The following MAGI2 variants were observed in gnomAD, a reference collection of about 807,000 sequenced individuals.
MAGI2 encodes the protein membrane-associated guanylate kinase, WW and PDZ domain-containing protein 2.
In MAGI2, 35 loss-of-function variants were observed where a neutral mutation model predicts 133.3. The ratio of observed to expected loss-of-function variants is 0.26; its 90% confidence interval spans 0.20 to 0.35. The LOEUF (loss-of-function observed/expected upper bound fraction) is 0.35, where lower values mean the gene tolerates loss of function less well. MAGI2 is among the 10% of genes least tolerant of loss of function. The pLI is 1.00. For missense variants in MAGI2, 1,636 were observed against 1,863.4 expected (o/e 0.88, Z 2.25); for synonymous variants, 729 against 710.6 (o/e 1.03, Z -0.41).
chr7:79,331,482 A>G (rs1157946800), intron 1 of MAGI2, among the ~76,000 whole-genome samples: 2 of 152,262 alleles, frequency 1.3e-5, no homozygotes, highest in Non-Finnish European at 2.9e-5. Flanking sequence ...AACTATAGGT[A>G]TTAACTTATT....
At chr7:79,016,970 C>A (rs939272917) in intron 1 of MAGI2, among the ~76,000 whole-genome samples, 1 of 152,252 alleles carries the variant, frequency 6.6e-6, no homozygotes, top group Non-Finnish European at 1.5e-5. Context: ...TGCACGGACA[C>A]TGGCGAGGCC....
At chr7:78,173,738 A>C (rs978173404) in intron 14 of MAGI2, among the ~76,000 whole-genome samples, 14 of 152,160 alleles carry the variant, frequency 9.2e-5, no homozygotes, top group African/African-American at 3.4e-4. Flanking sequence ...CTTTTAATTC[A>C]GTCCTCTGGG....
intron 3 of MAGI2, among the ~76,000 whole-genome samples, chr7:78,573,266 A>ATT (rs1563188658): frequency 4.1e-5 from 1 of 24,240 alleles, no homozygotes; most frequent in Non-Finnish European, 7.3e-5. Flanking sequence ...AAATATAAAT[A>ATT]TATATAAATA....
chr7:78,716,231 T>C lies in MAGI2; in HGVS notation c.419-88992A>G, dbSNP rs114532022. Among the ~76,000 whole-genome samples, 344 of 152,314 alleles carry C rather than the reference T, an allele frequency of 2.3e-3. 1 individual carries two copies. The highest frequency in any genetic ancestry group is 7.3e-3 in the African/African-American group (303 of 41,552). On this transcript the variant is annotated intron_variant, in intron 2 of 21. Coordinates refer to ENST00000354212, the MANE Select transcript of MAGI2 (RefSeq NM_012301.4). ...CCTTTCAATTGTGACTTTTGCTATG[T>C]TTTATTTTAATTTTATTTAATTTTA...
intron 1 of MAGI2, among the ~76,000 whole-genome samples, chr7:79,069,838 G>A (rs1211524324): frequency 2.6e-5 from 4 of 152,118 alleles, no homozygotes; most frequent in Admixed American, 2.0e-4. Context: ...TGTCTGTAAA[G>A]GATTTTATTT....
intron 7 of MAGI2, among the ~76,000 whole-genome samples, chr7:78,364,152 GA>G (rs1793137902): frequency 6.6e-6 from 1 of 152,178 alleles, no homozygotes; most frequent in Admixed American, 6.5e-5. Context: ...GGCCAAAATT[GA>G]TGTGTGCAAA....
At chr7:78,617,025 A>C (rs1364288652) in intron 3 of MAGI2, 2 of 152,198 alleles carry the variant, frequency 1.3e-5, no homozygotes, top group Non-Finnish European at 2.9e-5. Flanking sequence ...AAGTGCAATA[A>C]AAAATAAATA....
intron 1 of MAGI2, among the ~76,000 whole-genome samples, chr7:79,230,495 G>A (rs1313845352): frequency 2.0e-5 from 3 of 151,860 alleles, no homozygotes; most frequent in African/African-American, 7.3e-5. Flanking sequence ...TAACTGGTGT[G>A]AGATGGTATC....
At chr7:78,890,679 T>C (rs1053900394) in intron 2 of MAGI2, among the ~76,000 whole-genome samples, 2 of 152,008 alleles carry the variant, frequency 1.3e-5, no homozygotes, top group Non-Finnish European at 2.9e-5. Flanking sequence ...TTGAAACCAA[T>C]GAGAACAAAG....
intron 6 of MAGI2, among the ~76,000 whole-genome samples, chr7:78,431,088 G>C (rs1799748558): frequency 6.6e-6 from 1 of 151,654 alleles, no homozygotes; most frequent in South Asian, 2.1e-4. Flanking sequence ...GTGTGTGTGT[G>C]TGTGTGTGTG....
chr7:78,216,307 C>T (rs1788264914), intron 10 of MAGI2, among the ~76,000 whole-genome samples: 1 of 152,258 alleles, frequency 6.6e-6, no homozygotes, highest in Non-Finnish European at 1.5e-5. Flanking sequence ...GCCTGGCCTA[C>T]TGCAGCCAAC....
At chr7:79,351,238 C>T (rs1348201029) in intron 1 of MAGI2, among the ~76,000 whole-genome samples, 1 of 152,088 alleles carries the variant, frequency 6.6e-6, no homozygotes, top group Non-Finnish European at 1.5e-5. Flanking sequence ...AGAATTTACA[C>T]TAAATTAAGT....
chr7:79,087,494 G>C (rs1486017408), intron 1 of MAGI2, among the ~76,000 whole-genome samples: 1 of 151,948 alleles, frequency 6.6e-6, no homozygotes, highest in East Asian at 1.9e-4. Flanking sequence ...ATAAACATAA[G>C]TTTATGGAGC....
intron 1 of MAGI2, among the ~76,000 whole-genome samples, chr7:79,222,827 T>C (rs1167257622): frequency 6.6e-6 from 1 of 152,076 alleles, no homozygotes; most frequent in Non-Finnish European, 1.5e-5. Flanking sequence ...AGGGAATGCA[T>C]GTTTGTATGT....
chr7:79,183,795 T>C (rs997980329), intron 1 of MAGI2, among the ~76,000 whole-genome samples: 4 of 151,966 alleles, frequency 2.6e-5, no homozygotes, highest in Non-Finnish European at 5.9e-5. Context: ...AAGGAAATAG[T>C]ATTCAGCCTT....
chr7:78,708,704 T>G (rs1818886795), intron 2 of MAGI2, among the ~76,000 whole-genome samples: 1 of 152,150 alleles, frequency 6.6e-6, no homozygotes, highest in Non-Finnish European at 1.5e-5. Context: ...AACTGCTACT[T>G]ATTGAATGCC....
intron 21 of MAGI2, among the ~76,000 whole-genome samples, chr7:78,025,216 A>G (rs910648622): frequency 1.3e-5 from 2 of 152,138 alleles, no homozygotes; most frequent in Non-Finnish European, 2.9e-5. Flanking sequence ...CTGCTGGAGG[A>G]AGGCTTCCCC....
At chr7:78,801,972 A>G (rs1271539447) in intron 2 of MAGI2, among the ~76,000 whole-genome samples, 1 of 152,202 alleles carries the variant, frequency 6.6e-6, no homozygotes, top group East Asian at 1.9e-4. Flanking sequence ...GAATATCTGC[A>G]ACTAATATAA....
intron 16 of MAGI2, among the ~76,000 whole-genome samples, chr7:78,158,629 T>C (rs2150602527): frequency 6.6e-6 from 1 of 152,330 alleles, no homozygotes; most frequent in Non-Finnish European, 1.5e-5. Context: ...TAAGTCGTCC[T>C]TGTTCATTCC....
Sources: gnomAD v4.1 joint callset for allele counts (sites outside exome capture counted in the v4.1 genomes callset) on GRCh38, gnomAD v4.1.1 for gene constraint, MANE v1.5 for transcripts, NCBI Gene and HGNC (gene_info 2026-07-23, HGNC 2026-07-21) for gene names.